Variants in DST observed in about 807,000 individuals in gnomAD.
The protein encoded by DST is dystonin, also known as bullous pemphigoid antigen.
Under a neutral mutation model 875.2 loss-of-function variants are expected in DST, and 253 were observed. The observed-to-expected ratio is 0.29, with a 90% CI of 0.26 to 0.32. The LOEUF is 0.32. Ranked by LOEUF, DST falls within the 10% of genes least tolerant of loss-of-function variation. The pLI is 1.00. For synonymous variants in DST, 3,124 were observed against 3,197.1 expected (o/e 0.98, Z 0.77); for missense variants, 8,287 against 9,111.6 (o/e 0.91, Z 3.68).
In DST at chr6:56,605,809, GA is replaced by G. The variant is rs1304716141; in HGVS notation, c.8818del (p.Ser2940HisfsTer13). On this transcript the variant is annotated frameshift_variant, in exon 40 of 104. Transcript: ENST00000680361. LOFTEE classifies it high-confidence loss of function. ...SEKTFGPASISHDNNNISSTS... is the reference protein window; with the variant it reads ...SEKTFGPASIXHDNNNISSTS... ...TGAACTGATATTATTATTATCATGT[GA>G]AATACTTGCAGGGCCAAAAGTTTTT... 1 of 1,612,322 alleles carries G rather than the reference GA, an allele frequency of 6.2e-7. No individual in the cohort carries two copies. The highest frequency in any genetic ancestry group is 8.5e-7 in the Non-Finnish European group (1 of 1,179,182).
At chr6:56,771,849 C>G (rs183135276) in intron 4 of DST, among the ~76,000 whole-genome samples, 1 of 152,242 alleles carries the variant, frequency 6.6e-6, no homozygotes, top group Non-Finnish European at 1.5e-5. Flanking sequence ...AGAAAGTAAC[C>G]GACCTTTTAC....
intron 71 of DST, among the ~76,000 whole-genome samples, chr6:56,516,590 A>C (rs1240705694): frequency 6.6e-6 from 1 of 152,156 alleles, no homozygotes; most frequent in African/African-American, 2.4e-5. Flanking sequence ...CATGCATGGG[A>C]TATCTTTCCT....
chr6:56,504,272 A>G (rs1047097280), intron 77 of DST, among the ~76,000 whole-genome samples, 174 bp from the exon 78 acceptor site: 1 of 152,154 alleles, frequency 6.6e-6, no homozygotes, highest in Non-Finnish European at 1.5e-5. Context: ...ATATACCAAA[A>G]TGGTTGTCCC....
chr6:56,616,925 A>G (rs754557564), intron 36 of DST: 2 of 1,608,462 alleles, frequency 1.2e-6, no homozygotes, highest in African/African-American at 1.3e-5. Flanking sequence ...AATGGGATCA[A>G]TTATAAAACC....
At chr6:56,514,432 C>G (rs897335259) in intron 72 of DST, among the ~76,000 whole-genome samples, 1 of 152,112 alleles carries the variant, frequency 6.6e-6, no homozygotes, top group African/African-American at 2.4e-5. Flanking sequence ...GTATAGTCTT[C>G]AATGCCAATT....
rs1427850321 is a variant in DST at position 56,506,431 on chromosome 6, T to C, written c.19464+12A>G. ...CCAGCTAAGACCAGCACATACACTGTAATCCCCTTACCTGCAGTCCATCCT... is the reference window on the plus strand; with the variant it reads ...CCAGCTAAGACCAGCACATACACTGCAATCCCCTTACCTGCAGTCCATCCT... On this transcript the variant is annotated intron_variant, in intron 77 of 103. Coordinates refer to ENST00000680361, the MANE Select transcript of DST (RefSeq NM_001374736.1). 65 of 1,604,840 alleles carry C rather than the reference T, an allele frequency of 4.1e-5. No homozygotes were observed. In the East Asian group the frequency reaches 1.5e-3, roughly 36 times the overall value.
At chr6:56,692,351 C>T in intron 9 of DST, 1 of 1,119,430 alleles carries the variant, frequency 8.9e-7, no homozygotes, top group Non-Finnish European at 1.2e-6. Context: ...ACCTGGAACA[C>T]TTATTTACTT....
intron 2 of DST, among the ~76,000 whole-genome samples, chr6:56,903,662 G>A (rs940813212): frequency 6.6e-6 from 1 of 151,994 alleles, no homozygotes; most frequent in African/African-American, 2.4e-5. Flanking sequence ...GTTTCACCAT[G>A]TTGGCCAGGC....
rs190162222 is a variant in DST, at chr6:56,811,585, A to T, written c.625+39812T>A. Among the ~76,000 whole-genome samples, 4 of 152,334 alleles carry T rather than the reference A, an allele frequency of 2.6e-5. No homozygotes were observed. The East Asian group carries it at 7.7e-4, about 29-fold the overall frequency. ...ATCTTTCATTTAAAATGGAGAAGAA[A>T]AAAACAAAGCTTAAAGTTAACTACC... On this transcript the variant is annotated intron_variant, in intron 4 of 103. Coordinates refer to ENST00000680361, the MANE Select transcript of DST (RefSeq NM_001374736.1).
intron 2 of DST, among the ~76,000 whole-genome samples, chr6:56,908,823 C>A (rs1459704100): frequency 1.3e-5 from 2 of 152,240 alleles, no homozygotes; most frequent in Non-Finnish European, 2.9e-5. Flanking sequence ...CACTGCTACA[C>A]TCCGCCCACC....
At chr6:56,480,761 G>C (rs2095375249) in intron 90 of DST, among the ~76,000 whole-genome samples, 1 of 152,064 alleles carries the variant, frequency 6.6e-6, no homozygotes, top group Non-Finnish European at 1.5e-5. Context: ...AGGTTTCCTG[G>C]TCCTGGTGTG....
In DST at chr6:56,702,604, A is replaced by G. The variant is rs548340586; in HGVS notation, c.877-639T>C. Among the ~76,000 whole-genome samples the G allele has an allele frequency of 7.6e-4, 115 of 152,304 alleles. 3 individuals are homozygous for G. In the South Asian group the frequency reaches 0.023, roughly 30 times the overall value. ...CACTACGATAATTAGAAAGGACTCT[A>G]TACTCGTTTTATACTACTTGGGGAT... On this transcript the variant is annotated intron_variant, in intron 7 of 103. Transcript: ENST00000680361.
intron 67 of DST, 81 bp downstream of exon 67, chr6:56,528,759 TG>T: frequency 1.0e-6 from 1 of 968,142 alleles, no homozygotes; most frequent in Non-Finnish European, 1.6e-6. Context: ...TAAAGTGTTT[TG>T]GTTTTTTCCC....
At chr6:56,681,481 C>A (rs2099157079) in intron 9 of DST, among the ~76,000 whole-genome samples, 1 of 152,228 alleles carries the variant, frequency 6.6e-6, no homozygotes, top group African/African-American at 2.4e-5. Context: ...CTCCTCCACT[C>A]ATCCTTCTCC....
Position 56,552,877 on chromosome 6 carries a change from C to G in DST, c.15915G>C (p.Gln5305His), listed in dbSNP as rs377683236. 1.5e-5 allele frequency: 25 copies of G among 1,613,834 alleles called. No homozygotes were observed. The African/African-American group carries it at 3.3e-4, about 22-fold the overall frequency. The change falls in exon 61 of 104, where the codon CAG becomes CAC. Residue 5305 changes from glutamine to histidine, a missense_variant. By Grantham distance (24) the Gln-to-His change is conservative (BLOSUM62 0). Transcript: ENST00000680361. ...TGGTCAGGTATTTGTTACTGTAAGC[C>G]TGGGATCCCAGCGAATCATGGATAT... Reference protein sequence around the residue: ...QLDIHDSLGSQAYSNKYLTML... With the variant: ...QLDIHDSLGSHAYSNKYLTML...
chr6:56,578,105 T>C (rs6933591), intron 50 of DST, among the ~76,000 whole-genome samples: 1,571 of 152,230 alleles, frequency 0.01, 28 homozygotes, highest in African/African-American at 0.035. Flanking sequence ...GAAACTTGAT[T>C]ACAGCTGTAG....
At chr6:56,460,368 G>A in intron 102 of DST, 114 bp from the exon 103 acceptor site, 2 of 1,091,860 alleles carry the variant, frequency 1.8e-6, no homozygotes, top group South Asian at 3.9e-5. Flanking sequence ...TCTTTAGGAG[G>A]TGAAGGGGGA....
chr6:56,465,103 G>T (rs974883426), intron 99 of DST, among the ~76,000 whole-genome samples: 1 of 152,190 alleles, frequency 6.6e-6, no homozygotes, highest in Non-Finnish European at 1.5e-5. Flanking sequence ...TCTCGCAGGT[G>T]TGTCTTTGGC....
chr6:56,954,714 G>A lies in DST; in HGVS notation c.-127C>T. The A allele has an allele frequency of 4.4e-6, 2 of 459,182 alleles. No individual in the cohort carries two copies. The highest frequency in any genetic ancestry group is 5.9e-6 in the Non-Finnish European group (2 of 339,970). The allele number at this position is 459,182 out of a possible 1,614,324, so 28.4% of individuals were successfully genotyped here. A position where few individuals can be genotyped will look rare whatever the true frequency, so the allele number is the denominator to read the frequency against. ...GCTCAGCGCGTCATGCCTGGCGCTCGCGGCCCCGCGCCCAGCCCAATGGCT... is the reference window on the plus strand; with the variant it reads ...GCTCAGCGCGTCATGCCTGGCGCTCACGGCCCCGCGCCCAGCCCAATGGCT... On this transcript the variant is annotated 5_prime_UTR_variant, in exon 1 of 104. Coordinates refer to ENST00000680361, the MANE Select transcript of DST (RefSeq NM_001374736.1).
Sources: gnomAD v4.1 joint callset for allele counts (sites outside exome capture counted in the v4.1 genomes callset) on GRCh38, gnomAD v4.1.1 for gene constraint, MANE v1.5 for transcripts, NCBI Gene and HGNC (gene_info 2026-07-23, HGNC 2026-07-21) for gene names.